LINGO2: variants seen among roughly 807,000 people sequenced by gnomAD.
The protein encoded by LINGO2 is leucine rich repeat and Ig domain containing 2.
In LINGO2, 14 loss-of-function variants were observed where a neutral mutation model predicts 30.6. That is an observed-to-expected ratio of 0.46 (90% CI 0.30 to 0.72). The LOEUF (loss-of-function observed/expected upper bound fraction) is 0.72, where lower values mean the gene tolerates loss of function less well. Among genes scored for constraint, LINGO2 ranks in the 30% least tolerant of loss-of-function variants. The pLI is 0.07. For missense variants in LINGO2, 729 were observed against 751.7 expected, an observed-to-expected ratio of 0.97 and a Z score of 0.35; for synonymous variants, 317 against 288.5, an observed-to-expected ratio of 1.10 and a Z score of -1.00.
intron 5 of LINGO2, among the ~76,000 whole-genome samples, chr9:28,011,492 T>G (rs1822552040): frequency 6.6e-6 from 1 of 152,126 alleles, no homozygotes; most frequent in Admixed American, 6.5e-5. Flanking sequence ...CAATTTGAAT[T>G]TATGTGATAT....
chr9:28,565,151 A>T (rs1359867651), intron 1 of LINGO2, among the ~76,000 whole-genome samples: 1 of 152,158 alleles, frequency 6.6e-6, no homozygotes, highest in Non-Finnish European at 1.5e-5. Context: ...TTTAATTTAT[A>T]ATATTCACAT....
chr9:28,786,848 G>C, the LINGO2 span, among the ~76,000 whole-genome samples: 4 of 152,166 alleles, frequency 2.6e-5, no homozygotes, highest in East Asian at 7.7e-4. Context: ...GCTACTAAAG[G>C]ATTTTTGACG....
chr9:28,293,179 C>A (rs771944981), intron 4 of LINGO2, among the ~76,000 whole-genome samples: 1 of 151,976 alleles, frequency 6.6e-6, no homozygotes, highest in Non-Finnish European at 1.5e-5. Context: ...CTCACTGTAA[C>A]CTCCGACTCT....
the LINGO2 span, among the ~76,000 whole-genome samples, chr9:29,212,914 C>A: frequency 1.3e-5 from 2 of 152,222 alleles, no homozygotes; most frequent in African/African-American, 4.8e-5. Context: ...AGCTTTGCTG[C>A]CTCTTACCTT....
At chr9:29,201,390 G>C in the LINGO2 span, among the ~76,000 whole-genome samples, 2 of 151,944 alleles carry the variant, frequency 1.3e-5, no homozygotes, top group African/African-American at 2.4e-5. Context: ...CTAATTTGAA[G>C]AGATGGTAAA....
intron 4 of LINGO2, among the ~76,000 whole-genome samples, chr9:28,049,702 A>C (rs1417961664): frequency 2.7e-5 from 4 of 150,702 alleles, no homozygotes; most frequent in Non-Finnish European, 5.9e-5. Flanking sequence ...AGGCATTATA[A>C]TGCCTGATGC....
the LINGO2 span, among the ~76,000 whole-genome samples, chr9:28,996,472 G>A: frequency 6.6e-6 from 1 of 152,104 alleles, no homozygotes; most frequent in African/African-American, 2.4e-5. Flanking sequence ...ACAAGAGCTA[G>A]GTAAACCATC....
rs553900537 is a variant in LINGO2 at position 28,640,146 on chromosome 9, G to C, written c.-365+30054C>G. Reference sequence around the variant, plus strand: ...TTTTCTTTAAGAATGTTGACTAGTGGCCCCCACTCTCTTCTGGCTTGTAGA... The same window carrying C: ...TTTTCTTTAAGAATGTTGACTAGTGCCCCCCACTCTCTTCTGGCTTGTAGA... On this transcript the variant is annotated intron_variant, in intron 1 of 5. Coordinates refer to ENST00000379992, the Ensembl canonical transcript of LINGO2. Among the ~76,000 whole-genome samples the C allele has an allele frequency of 3.9e-5, 6 of 152,052 alleles. No individual in the cohort carries two copies. The South Asian group carries it at 1.2e-3, about 32-fold the overall frequency.
chr9:28,184,423 T>C (rs1234835170), intron 4 of LINGO2, among the ~76,000 whole-genome samples: 1 of 152,170 alleles, frequency 6.6e-6, no homozygotes, highest in East Asian at 1.9e-4. Flanking sequence ...TACCATTATA[T>C]TGTTTTGTCT....
chr9:28,053,943 G>A (rs1587777532), intron 4 of LINGO2, among the ~76,000 whole-genome samples: 1 of 151,970 alleles, frequency 6.6e-6, no homozygotes, highest in Non-Finnish European at 1.5e-5. Flanking sequence ...ACAGATATGG[G>A]GTAAAAAGGA....
the LINGO2 span, among the ~76,000 whole-genome samples, chr9:28,686,274 G>T: frequency 1.3e-5 from 2 of 151,958 alleles, no homozygotes; most frequent in African/African-American, 4.8e-5. Flanking sequence ...AGATGATTTT[G>T]TAAGGGCAAT....
At chr9:28,328,000 C>T (rs1417351804) in intron 3 of LINGO2, among the ~76,000 whole-genome samples, 1 of 152,072 alleles carries the variant, frequency 6.6e-6, no homozygotes, top group Non-Finnish European at 1.5e-5. Context: ...GGGCCCAGAC[C>T]CTCCTTTCAG....
chr9:28,616,042 G>A (rs946374171), intron 1 of LINGO2, among the ~76,000 whole-genome samples: 1 of 152,056 alleles, frequency 6.6e-6, no homozygotes, highest in Admixed American at 6.6e-5. Flanking sequence ...AGTGAGTGAG[G>A]CTAGTAATGT....
upstream of LINGO2, among the ~76,000 whole-genome samples, chr9:28,674,871 G>C (rs1367104024): frequency 1.3e-5 from 2 of 152,076 alleles, no homozygotes; most frequent in South Asian, 4.1e-4. Context: ...CAGATCGGCA[G>C]CCTCTCACCT....
rs572425115 is a variant in LINGO2 at position 28,050,931 on chromosome 9, A to G, written c.-86-38526T>C. 2.0e-5 allele frequency among the ~76,000 whole-genome samples: 3 copies of G among 151,202 alleles called. 1 individual carries two copies. Among genetic ancestry groups the G allele is most frequent in the East Asian group, 2.0e-4 (1 of 5,090 alleles). The stretch of plus-strand genomic sequence containing the variant: ...AGTTTTTTCAAAATATTGAAAACAC[A>G]CTGTAGTACATGTTATGACAGTGGT... On this transcript the variant is annotated intron_variant, in intron 4 of 5. Transcript: ENST00000379992.
chr9:28,051,690 A>T (rs781489400), intron 4 of LINGO2, among the ~76,000 whole-genome samples: 5 of 152,058 alleles, frequency 3.3e-5, no homozygotes, highest in Non-Finnish European at 5.9e-5. Context: ...TTCCAACCAC[A>T]GTCATTCAAG....
chr9:29,078,646 A>G, the LINGO2 span, among the ~76,000 whole-genome samples: 3 of 151,986 alleles, frequency 2.0e-5, no homozygotes, highest in African/African-American at 7.2e-5. Context: ...ACATTCGGAT[A>G]TACGTACACA....
chr9:28,996,004 A>T, the LINGO2 span, among the ~76,000 whole-genome samples: 1 of 131,134 alleles, frequency 7.6e-6, no homozygotes, highest in African/African-American at 2.6e-5. Flanking sequence ...CATGTACCCT[A>T]AAACTTAAAG....
chr9:29,170,384 G>C, the LINGO2 span, among the ~76,000 whole-genome samples: 1 of 152,062 alleles, frequency 6.6e-6, no homozygotes, highest in Non-Finnish European at 1.5e-5. Flanking sequence ...ACTTATATGA[G>C]GGTGCTAAAC....
Sources: allele counts gnomAD v4.1 joint callset (sites outside exome capture counted in the v4.1 genomes callset), GRCh38; gene constraint gnomAD v4.1.1; transcripts MANE v1.5; gene names NCBI Gene and HGNC (gene_info 2026-07-23, HGNC 2026-07-21).